The following ZHX2 variants were observed in gnomAD, a reference collection of about 807,000 sequenced individuals.
The protein encoded by ZHX2 is zinc fingers and homeoboxes protein 2.
Under a neutral mutation model 21.9 loss-of-function variants are expected in ZHX2, and 6 were observed. The observed-to-expected ratio is 0.27, with a 90% CI of 0.15 to 0.54. The LOEUF (loss-of-function observed/expected upper bound fraction) is 0.54. Ranked by LOEUF, ZHX2 falls within the 20% of genes least tolerant of loss-of-function variation. The pLI, the probability that ZHX2 is intolerant of heterozygous loss-of-function variation, is 0.95. For missense variants in ZHX2, 908 were observed against 1,090.7 expected, an observed-to-expected ratio of 0.83 and a Z score of 2.36; for synonymous variants, 434 against 437.1, an observed-to-expected ratio of 0.99 and a Z score of 0.09.
intron 1 of ZHX2, among the ~76,000 whole-genome samples, chr8:122,819,866 C>T (rs1439769646): frequency 6.6e-6 from 1 of 152,238 alleles, no homozygotes; most frequent in Non-Finnish European, 1.5e-5. Flanking sequence ...TTAATATATG[C>T]TAATCAAAGC....
chr8:122,799,615 A>G (rs1817677933), intron 1 of ZHX2, among the ~76,000 whole-genome samples: 1 of 152,208 alleles, frequency 6.6e-6, no homozygotes, highest in Non-Finnish European at 1.5e-5. Context: ...GATTATCTCC[A>G]TGGCATAGAG....
intron 2 of ZHX2, among the ~76,000 whole-genome samples, chr8:122,917,017 AC>A: frequency 6.6e-6 from 1 of 151,714 alleles, no homozygotes; most frequent in East Asian, 1.9e-4. Flanking sequence ...ACCCTCCAGC[AC>A]CTCTGTCCCC....
intron 1 of ZHX2, among the ~76,000 whole-genome samples, chr8:122,827,346 CT>C (rs1327391212): frequency 6.6e-6 from 1 of 151,838 alleles, no homozygotes; most frequent in African/African-American, 2.4e-5. Context: ...CCTACGTAAG[CT>C]TTTTTTTAAC....
chr8:122,872,071 A>G (rs2129703832), intron 2 of ZHX2, among the ~76,000 whole-genome samples: 1 of 152,322 alleles, frequency 6.6e-6, no homozygotes. Flanking sequence ...AAATCAGCAT[A>G]GGCAGGTATC....
intron 1 of ZHX2, chr8:122,863,262 C>CTTTTTTT (rs144283135): frequency 8.0e-5 from 11 of 138,188 alleles, no homozygotes; most frequent in Non-Finnish European, 7.7e-5. Flanking sequence ...GGGCTAGGGT[C>CTTTTTTT]TTTTTTTTTT....
chr8:122,953,831 G>A lies in ZHX2; in HGVS notation c.2321G>A (p.Gly774Asp), dbSNP rs866819801. ...PSEATSDRSE[G>D]SSRDGQGSDE... Reference sequence around the variant, plus strand: ...GAGGCCACCTCAGACCGGTCAGAGGGCAGCAGCCGGGACGGCCAGGGTAGC... The same window carrying A: ...GAGGCCACCTCAGACCGGTCAGAGGACAGCAGCCGGGACGGCCAGGGTAGC... The change falls in exon 3 of 4, where the codon GGC (glycine) becomes GAC (aspartate). Residue 774 changes from glycine (G) to aspartate (D), a missense_variant. By Grantham distance (94) the Gly-to-Asp change is moderately conservative. Around this residue, in one of 4 missense-constraint regions of ZHX2, gnomAD observed 431 missense variants for 428.6 expected, o/e 1.01. Transcript: ENST00000314393. The surrounding 1 kb of genome is among the most constrained non-coding windows in gnomAD (Gnocchi z 4.6). The A allele has an allele frequency of 3.1e-6, 5 of 1,614,128 alleles. No individual in the cohort carries two copies. In the Middle Eastern group the frequency reaches 4.9e-4, roughly 159 times the overall value.
At chr8:122,925,227 C>G (rs1820822085) in intron 2 of ZHX2, among the ~76,000 whole-genome samples, 1 of 152,168 alleles carries the variant, frequency 6.6e-6, no homozygotes, top group Admixed American at 6.5e-5. Context: ...GATTGTTCCC[C>G]TTGAAATCAA....
intron 2 of ZHX2, among the ~76,000 whole-genome samples, chr8:122,873,367 C>G (rs1171513811): frequency 6.8e-6 from 1 of 147,382 alleles, no homozygotes; most frequent in Non-Finnish European, 1.6e-5. Flanking sequence ...ACCCCACGTG[C>G]AGAAGTGTCA....
At chr8:122,785,281 G>A (rs1329487577) in intron 1 of ZHX2, among the ~76,000 whole-genome samples, 1 of 152,200 alleles carries the variant, frequency 6.6e-6, no homozygotes, top group Non-Finnish European at 1.5e-5. Context: ...ACCAGATAGG[G>A]ACTTTTTTGT....
intron 2 of ZHX2, among the ~76,000 whole-genome samples, chr8:122,926,395 G>C (rs766017703): frequency 6.6e-6 from 1 of 152,176 alleles, no homozygotes; most frequent in Non-Finnish European, 1.5e-5. Flanking sequence ...CCTGCACTAG[G>C]TAGTAAACTC....
intron 3 of ZHX2, among the ~76,000 whole-genome samples, chr8:122,972,388 T>A (rs1813746186): frequency 6.6e-6 from 1 of 152,244 alleles, no homozygotes; most frequent in Non-Finnish European, 1.5e-5. Flanking sequence ...TTCTTCCTAC[T>A]GATTCTTAAT....
chr8:122,854,390 T>C (rs1476710935), intron 1 of ZHX2, among the ~76,000 whole-genome samples: 1 of 152,172 alleles, frequency 6.6e-6, no homozygotes, highest in Non-Finnish European at 1.5e-5. Context: ...TTTCCCTCCT[T>C]GTAGATAGGA....
intron 2 of ZHX2, among the ~76,000 whole-genome samples, chr8:122,876,663 G>A (rs921795524): frequency 2.0e-5 from 3 of 152,214 alleles, no homozygotes; most frequent in East Asian, 1.9e-4. Flanking sequence ...ACGGGGTAGC[G>A]TGATAGCATT....
chr8:122,848,527 G>T (rs1349078782), intron 1 of ZHX2, among the ~76,000 whole-genome samples: 1 of 152,104 alleles, frequency 6.6e-6, no homozygotes, highest in South Asian at 2.1e-4. Context: ...CCTCATTAAG[G>T]GTTCTGAGAA....
At chr8:122,967,761 A>T (rs1813618907) in intron 3 of ZHX2, among the ~76,000 whole-genome samples, 1 of 152,200 alleles carries the variant, frequency 6.6e-6, no homozygotes, top group Non-Finnish European at 1.5e-5. Context: ...TAATGGCTTG[A>T]GTTGGTTGGC....
intron 1 of ZHX2, among the ~76,000 whole-genome samples, chr8:122,862,784 G>C (rs1819197827): frequency 6.6e-6 from 1 of 152,160 alleles, no homozygotes; most frequent in South Asian, 2.1e-4. Context: ...GAGTGAGAAC[G>C]GTGTGCCCTC....
At chr8:122,955,870 A>C (rs1813286988) in intron 3 of ZHX2, among the ~76,000 whole-genome samples, 1 of 128,830 alleles carries the variant, frequency 7.8e-6, no homozygotes, top group Non-Finnish European at 1.6e-5. Context: ...TTTGAGACAG[A>C]GTCTCACTCT....
chr8:122,947,092 C>CAAAAAAAAAA (rs57090731), intron 2 of ZHX2, among the ~76,000 whole-genome samples: 1 of 67,310 alleles, frequency 1.5e-5, no homozygotes. Context: ...CCTGTCTTTG[C>CAAAAAAAAAA]AAAAAAAAAA....
chr8:122,918,385 C>T (rs556673732), intron 2 of ZHX2, among the ~76,000 whole-genome samples: 67 of 152,322 alleles, frequency 4.4e-4, no homozygotes, highest in African/African-American at 1.6e-3. Context: ...TCCCAGAAAA[C>T]GAGAACTTTA....
Sources: allele counts gnomAD v4.1 joint callset (sites outside exome capture counted in the v4.1 genomes callset), GRCh38; gene constraint gnomAD v4.1.1; regional missense constraint gnomAD v4.1.1; non-coding constraint Gnocchi (gnomAD v3.1); transcripts MANE v1.5; gene names NCBI Gene and HGNC (gene_info 2026-07-23, HGNC 2026-07-21).